The following NGEF variants were observed in gnomAD, a reference collection of about 807,000 sequenced individuals.
NGEF encodes ephexin-1.
A neutral mutation model predicts 80.9 loss-of-function variants in NGEF; 31 were observed. The ratio of observed to expected loss-of-function variants is 0.38; its 90% CI spans 0.29 to 0.52. NGEF has a LOEUF of 0.52. NGEF is among the 20% of genes least tolerant of loss of function. The pLI is 0.84. For synonymous variants in NGEF, 371 were observed against 370.2 expected, an observed-to-expected ratio of 1.00 and a Z score of -0.03; for missense variants, 709 against 926.2, an observed-to-expected ratio of 0.77 and a Z score of 3.04.
At chr2:232,949,747 G>A (rs1186430465) in intron 3 of NGEF, among the ~76,000 whole-genome samples, 1 of 78,250 alleles carries the variant, frequency 1.3e-5, no homozygotes, top group African/African-American at 5.7e-5. Flanking sequence ...CCAAAGTGCT[G>A]GGATTCCAGG....
intron 1 of NGEF, among the ~76,000 whole-genome samples, chr2:233,003,926 C>T (rs891946610): frequency 6.6e-6 from 1 of 152,122 alleles, no homozygotes; most frequent in African/African-American, 2.4e-5. Flanking sequence ...GTTGTGTGGC[C>T]CCTGAATTGC....
At chr2:232,884,453 T>C (rs1212568914) in intron 10 of NGEF, among the ~76,000 whole-genome samples, 1 of 152,206 alleles carries the variant, frequency 6.6e-6, no homozygotes, top group Non-Finnish European at 1.5e-5. Context: ...CACGTGCTTG[T>C]GTGCATGTAC....
At chr2:232,956,431 T>C (rs1465672458) in intron 3 of NGEF, among the ~76,000 whole-genome samples, 1 of 152,170 alleles carries the variant, frequency 6.6e-6, no homozygotes, top group Non-Finnish European at 1.5e-5. Context: ...TTAACTAATA[T>C]TATCCATAAA....
chr2:232,904,262 C>T (rs1470918536), intron 5 of NGEF, among the ~76,000 whole-genome samples: 4 of 152,156 alleles, frequency 2.6e-5, no homozygotes, highest in South Asian at 2.1e-4. Flanking sequence ...TCCAGCTCCA[C>T]GCCCAGCCCA....
intron 6 of NGEF, among the ~76,000 whole-genome samples, chr2:232,893,816 G>A (rs1022363578): frequency 2.6e-5 from 4 of 152,140 alleles, no homozygotes; most frequent in Non-Finnish European, 5.9e-5. Flanking sequence ...AAGCCCAGGG[G>A]TCTCACAGGC....
chr2:232,900,206 TC>T (rs1230984451), intron 5 of NGEF, among the ~76,000 whole-genome samples: 2 of 122,530 alleles, frequency 1.6e-5, no homozygotes, highest in Non-Finnish European at 3.3e-5. Context: ...TCACAGTCAC[TC>T]ATATACACGT....
intron 4 of NGEF, among the ~76,000 whole-genome samples, chr2:232,926,224 C>T (rs1043025919): frequency 6.6e-6 from 1 of 152,104 alleles, no homozygotes; most frequent in African/African-American, 2.4e-5. Flanking sequence ...GCTGCTCTGA[C>T]AACAATGAAG....
At position 232,951,205 on chromosome 2, in the gene NGEF, C is replaced by T. The variant is rs7603678; in HGVS notation, c.383+19009G>A. On this transcript the variant is annotated intron_variant, in intron 3 of 14. Transcript: ENST00000264051. ...ACCAGGACCATTCTGCCTTTAGCCT[C>T]TCTGGTGGCCACGCGCTACCTCGAT... 9.1e-3 allele frequency among the ~76,000 whole-genome samples: 1,392 copies of T among 152,322 alleles called. 22 individuals are homozygous for T. Among genetic ancestry groups the T allele is most frequent in the African/African-American group, 0.032 (1,327 of 41,570 alleles).
intron 3 of NGEF, among the ~76,000 whole-genome samples, chr2:232,946,514 T>C (rs922058435): frequency 6.6e-6 from 1 of 152,222 alleles, no homozygotes; most frequent in African/African-American, 2.4e-5. Flanking sequence ...ATTAGGGTAT[T>C]CATGTGAACT....
Position 232,900,170 on chromosome 2 carries a change from G to A in NGEF, c.829-5254C>T, listed in dbSNP as rs1300206154. ...CACGCTCACAGTCACTCATATACAC[G>A]TTCACTCACATTCACACACACGCTC... is the stretch of plus-strand genomic sequence containing the variant. On this transcript the variant is annotated intron_variant, in intron 5 of 14. Transcript: ENST00000264051. Among the ~76,000 whole-genome samples the A allele has an allele frequency of 1.2e-4, 11 of 90,024 alleles. 1 individual carries two copies. The highest frequency in any genetic ancestry group is 1.1e-3 in the Admixed American group (9 of 7,946). The allele number at this position is 90,024 out of a possible 152,430, so 59.1% of individuals were successfully genotyped here.
rs753775805 is a variant in NGEF, at chr2:232,974,921, C to T, written c.-31G>A. ...TAGAGCCAGATGTTTCTCAGCAGAA[C>T]GACTGGAGGTCAATGACTTTCCCAA... On this transcript the variant is annotated 5_prime_UTR_variant, in exon 2 of 15. Coordinates refer to ENST00000264051, the MANE Select transcript of NGEF (RefSeq NM_019850.3). 5.6e-5 allele frequency: 90 copies of T among 1,599,036 alleles called. No homozygotes were observed. Among genetic ancestry groups the T allele is most frequent in the Non-Finnish European group, 7.4e-5 (87 of 1,174,178 alleles).
chr2:232,939,388 C>T (rs1693395256), intron 3 of NGEF, among the ~76,000 whole-genome samples: 1 of 151,994 alleles, frequency 6.6e-6, no homozygotes, highest in Non-Finnish European at 1.5e-5. Flanking sequence ...ACATTTAGTG[C>T]TAAAATGCAT....
intron 8 of NGEF, among the ~76,000 whole-genome samples, chr2:232,890,635 A>G (rs1364794821): frequency 3.1e-4 from 47 of 152,200 alleles, no homozygotes; most frequent in Admixed American, 2.9e-3. Context: ...TCAAGGTAAA[A>G]GCCGAGGAAT....
intron 1 of NGEF, among the ~76,000 whole-genome samples, chr2:232,980,642 G>A (rs895689375): frequency 2.1e-4 from 32 of 152,154 alleles, no homozygotes; most frequent in Admixed American, 8.5e-4. Flanking sequence ...GGGATTATAG[G>A]TGCCTATCAC....
At chr2:232,943,343 C>T (rs1235422041) in intron 3 of NGEF, among the ~76,000 whole-genome samples, 1 of 152,082 alleles carries the variant, frequency 6.6e-6, no homozygotes, top group Non-Finnish European at 1.5e-5. Context: ...AGGCGTGAGT[C>T]AGAGTAATGA....
At chr2:232,976,954 C>T (rs931835371) in intron 1 of NGEF, among the ~76,000 whole-genome samples, 1 of 152,128 alleles carries the variant, frequency 6.6e-6, no homozygotes, top group Non-Finnish European at 1.5e-5. Flanking sequence ...GAGGATTGTG[C>T]GGTGGCTGGG....
rs535558461 is a variant in NGEF at position 232,894,671 on chromosome 2, C to T, written c.989+85G>A. 1.4e-4 allele frequency: 179 copies of T among 1,258,086 alleles called. No homozygotes were observed. The South Asian group carries it at 3.3e-3, about 23-fold the overall frequency. The allele number at this position is 1,258,086 out of a possible 1,614,324, so 77.9% of individuals were successfully genotyped here. On this transcript the variant is annotated intron_variant, in intron 6 of 14. Coordinates refer to ENST00000264051, the MANE Select transcript of NGEF (RefSeq NM_019850.3). ...CATCTGGAAGTAGAGAAGCCAGTAT[C>T]GAGCACTTGTCATCAGTGTCTCAAG...
At chr2:232,938,925 A>G (rs1158655013) in intron 3 of NGEF, among the ~76,000 whole-genome samples, 1 of 151,996 alleles carries the variant, frequency 6.6e-6, no homozygotes, top group Non-Finnish European at 1.5e-5. Context: ...TCATGCCTGT[A>G]ATCCCAGCAC....
At chr2:232,966,866 G>A (rs114243486) in intron 3 of NGEF, among the ~76,000 whole-genome samples, 1,612 of 152,148 alleles carry the variant, frequency 0.011, 33 homozygotes, top group African/African-American at 0.037. Flanking sequence ...TGGGGGGGGA[G>A]GCGGGTGAGG....
Sources: allele counts gnomAD v4.1 joint callset (sites outside exome capture counted in the v4.1 genomes callset), GRCh38; gene constraint gnomAD v4.1.1; transcripts MANE v1.5; gene names NCBI Gene and HGNC (gene_info 2026-07-23, HGNC 2026-07-21).